CDK14: variants seen among roughly 807,000 people sequenced by gnomAD.
CDK14 encodes the protein cyclin-dependent kinase 14.
In CDK14, 34 loss-of-function variants were observed where a neutral mutation model predicts 60.7. That is an observed-to-expected ratio of 0.56 (90% CI 0.43 to 0.75). The LOEUF (loss-of-function observed/expected upper bound fraction) is 0.75, where lower values mean the gene tolerates loss of function less well. Among genes scored for constraint, CDK14 ranks in the 30% least tolerant of loss-of-function variants. The pLI, the probability that CDK14 is intolerant of heterozygous loss-of-function variation, is 0.00. For synonymous variants in CDK14, 197 were observed against 203.7 expected (o/e 0.97, Z 0.28); for missense variants, 482 against 564.1 (o/e 0.85, Z 1.47).
intron 8 of CDK14, among the ~76,000 whole-genome samples, chr7:90,927,846 A>G (rs1041923406): frequency 6.6e-6 from 1 of 152,206 alleles, no homozygotes; most frequent in Non-Finnish European, 1.5e-5. Context: ...ACTTTCAGGT[A>G]TACCAATCAG....
At chr7:91,091,756 AGG>A in intron 12 of CDK14, among the ~76,000 whole-genome samples, 1 of 64,254 alleles carries the variant, frequency 1.6e-5, no homozygotes, top group Non-Finnish European at 3.4e-5. Context: ...GAAGGAAGGA[AGG>A]AAGGAAGTAA....
At chr7:90,958,407 A>G (rs1014778103) in intron 9 of CDK14, among the ~76,000 whole-genome samples, 2 of 152,172 alleles carry the variant, frequency 1.3e-5, no homozygotes, top group South Asian at 2.1e-4. Flanking sequence ...ATTTTGTAAC[A>G]TCTTGTAATA....
intron 14 of CDK14, among the ~76,000 whole-genome samples, chr7:91,126,858 T>C (rs1245332749): frequency 6.6e-6 from 1 of 152,096 alleles, no homozygotes; most frequent in Non-Finnish European, 1.5e-5. Flanking sequence ...TTTCCTTCCA[T>C]TCCTGCCTTG....
chr7:91,025,748 G>A (rs1465526118), intron 10 of CDK14, among the ~76,000 whole-genome samples: 2 of 152,176 alleles, frequency 1.3e-5, no homozygotes, highest in Non-Finnish European at 2.9e-5. Flanking sequence ...GCCTGTGCCT[G>A]TCTCTAGAGC....
chr7:90,828,677 A>G (rs1434606602), intron 5 of CDK14, among the ~76,000 whole-genome samples: 1 of 152,158 alleles, frequency 6.6e-6, no homozygotes, highest in Non-Finnish European at 1.5e-5. Context: ...GGAGATACTC[A>G]TCTGCTTGTT....
intron 2 of CDK14, among the ~76,000 whole-genome samples, chr7:90,614,588 T>C (rs1484011132): frequency 6.6e-6 from 1 of 152,002 alleles, no homozygotes; most frequent in Non-Finnish European, 1.5e-5. Flanking sequence ...CTTAGTTTTC[T>C]TAAATTTCTT....
chr7:90,604,629 CA>C (rs1036262717), intron 2 of CDK14, among the ~76,000 whole-genome samples: 10 of 152,200 alleles, frequency 6.6e-5, no homozygotes, highest in Admixed American at 6.5e-4. Context: ...TCAGCTGAAT[CA>C]GGGTGTGATG....
intron 3 of CDK14, among the ~76,000 whole-genome samples, chr7:90,736,791 T>A (rs1211310662): frequency 6.6e-6 from 1 of 152,102 alleles, no homozygotes; most frequent in African/African-American, 2.4e-5. Flanking sequence ...TAGAAACTAT[T>A]TTAAAATATC....
chr7:90,936,960 T>A (rs1793774378), intron 8 of CDK14, among the ~76,000 whole-genome samples: 1 of 152,082 alleles, frequency 6.6e-6, no homozygotes, highest in Admixed American at 6.5e-5. Context: ...ACACCTGTAG[T>A]CCTAGCTATT....
At chr7:91,126,011 A>G (rs1799932339) in intron 14 of CDK14, among the ~76,000 whole-genome samples, 1 of 152,182 alleles carries the variant, frequency 6.6e-6, no homozygotes, top group South Asian at 2.1e-4. Context: ...TACAGTATTT[A>G]TTTTACATTA....
At chr7:90,709,896 T>C (rs1445484232) in intron 2 of CDK14, 4 of 1,272,228 alleles carry the variant, frequency 3.1e-6, no homozygotes, top group Non-Finnish European at 4.0e-6. Context: ...TGCAAACACA[T>C]TGCTAGAGAC....
At chr7:90,895,169 T>C (rs1375262309) in intron 6 of CDK14, among the ~76,000 whole-genome samples, 1 of 152,122 alleles carries the variant, frequency 6.6e-6, no homozygotes, top group African/African-American at 2.4e-5. Flanking sequence ...TTATAGCCCT[T>C]CCTATGTCTT....
intron 2 of CDK14, among the ~76,000 whole-genome samples, chr7:90,610,440 C>T (rs896722227): frequency 5.3e-5 from 8 of 152,216 alleles, no homozygotes; most frequent in African/African-American, 1.2e-4. Context: ...TTTTCACTCC[C>T]CCTAAGCCTT....
intron 5 of CDK14, among the ~76,000 whole-genome samples, chr7:90,822,068 G>A (rs565039215): frequency 6.6e-6 from 1 of 152,216 alleles, no homozygotes; most frequent in Admixed American, 6.5e-5. Flanking sequence ...ATTATTCATT[G>A]TATACTAGCT....
intron 4 of CDK14, among the ~76,000 whole-genome samples, chr7:90,783,686 T>C (rs1805445011): frequency 6.6e-6 from 1 of 152,026 alleles, no homozygotes; most frequent in Non-Finnish European, 1.5e-5. Context: ...ATGCTCAACA[T>C]CATTAAAAAT....
Position 91,151,304 on chromosome 7 carries a change from C to T in CDK14, c.*28+33096C>T, listed in dbSNP as rs1800821803. ...GTGGGAGCATCCTCATCACAGAATCCACTCATTTCAAATCATATCCCTGAT... is the reference window on the plus strand; with the variant it reads ...GTGGGAGCATCCTCATCACAGAATCTACTCATTTCAAATCATATCCCTGAT... On this transcript the variant is annotated intron_variant, in intron 14 of 14. Transcript: ENST00000380050. Among the ~76,000 whole-genome samples, 3 of 152,126 alleles carry T rather than the reference C, an allele frequency of 2.0e-5. No individual in the cohort carries two copies. The South Asian group carries it at 6.2e-4, about 32-fold the overall frequency.
chr7:91,018,273 T>C (rs919675908), intron 10 of CDK14, among the ~76,000 whole-genome samples: 2 of 152,282 alleles, frequency 1.3e-5, no homozygotes, highest in East Asian at 3.9e-4. Flanking sequence ...GAACTTCACT[T>C]CCTGACCCTT....
intron 2 of CDK14, among the ~76,000 whole-genome samples, chr7:90,681,873 A>G (rs1010717005): frequency 2.6e-5 from 4 of 152,226 alleles, no homozygotes; most frequent in African/African-American, 4.8e-5. Flanking sequence ...ATCTTCAAAG[A>G]AAAATTCTTC....
chr7:90,995,271 A>G (rs1246361385), intron 10 of CDK14, among the ~76,000 whole-genome samples: 1 of 152,128 alleles, frequency 6.6e-6, no homozygotes, highest in Non-Finnish European at 1.5e-5. Flanking sequence ...CATATCAAGG[A>G]ACTGATGTTT....
Sources: allele counts gnomAD v4.1 joint callset (sites outside exome capture counted in the v4.1 genomes callset), GRCh38; gene constraint gnomAD v4.1.1; transcripts MANE v1.5; gene names NCBI Gene and HGNC (gene_info 2026-07-23, HGNC 2026-07-21).